Variants in GRIK1 observed in about 807,000 individuals in gnomAD.
GRIK1 encodes the protein glutamate receptor ionotropic, kainate 1.
A neutral mutation model predicts 105.7 loss-of-function variants in GRIK1; 69 were observed. The ratio of observed to expected loss-of-function variants is 0.65; its 90% CI spans 0.54 to 0.80. The LOEUF is 0.80. GRIK1 is among the 30% of genes least tolerant of loss of function. GRIK1 has a pLI of 0.00. For missense variants in GRIK1, 1,109 were observed against 1,167.3 expected, an observed-to-expected ratio of 0.95 and a Z score of 0.73; for synonymous variants, 438 against 431.3, an observed-to-expected ratio of 1.02 and a Z score of -0.19.
chr21:29,665,279 T>A (rs2063037200), intron 4 of GRIK1, among the ~76,000 whole-genome samples: 1 of 152,186 alleles, frequency 6.6e-6, no homozygotes. Flanking sequence ...AATTCTTGTA[T>A]ACATTTAATA....
At chr21:29,790,761 T>G (rs13050132) in intron 1 of GRIK1, among the ~76,000 whole-genome samples, 67,748 of 152,136 alleles carry the variant, frequency 0.45, 17,442 homozygotes, top group South Asian at 0.62. Context: ...CCTAGTAGAT[T>G]CACCTTATTC....
chr21:29,872,902 A>G (rs2069069885), intron 1 of GRIK1, among the ~76,000 whole-genome samples: 1 of 152,198 alleles, frequency 6.6e-6, no homozygotes, highest in South Asian at 2.1e-4. Context: ...GGATGCAGCC[A>G]AACCATATCA....
At chr21:29,915,685 C>T (rs1343700509) in intron 1 of GRIK1, among the ~76,000 whole-genome samples, 1 of 151,934 alleles carries the variant, frequency 6.6e-6, no homozygotes, top group Non-Finnish European at 1.5e-5. Context: ...TGAGTCTCTG[C>T]CTGAGTTTAA....
At chr21:29,848,125 T>G (rs2068184562) in intron 1 of GRIK1, among the ~76,000 whole-genome samples, 1 of 152,166 alleles carries the variant, frequency 6.6e-6, no homozygotes, top group South Asian at 2.1e-4. Flanking sequence ...AATCAGACTT[T>G]GCCTTGGCAA....
intron 8 of GRIK1, among the ~76,000 whole-genome samples, chr21:29,597,139 T>C (rs1222395126): frequency 1.3e-5 from 2 of 152,182 alleles, no homozygotes; most frequent in East Asian, 3.8e-4. Flanking sequence ...AGATTGGGCA[T>C]TTCCTCCCTC....
chr21:29,826,308 C>T lies in GRIK1; in HGVS notation c.118+113075G>A, dbSNP rs2067455213. Among the ~76,000 whole-genome samples the T allele has an allele frequency of 2.0e-5, 3 of 152,078 alleles. No homozygotes were observed. The South Asian group carries it at 6.2e-4, about 31-fold the overall frequency. On this transcript the variant is annotated intron_variant, in intron 1 of 17. Transcript: ENST00000327783. ...GATCTCAAGGTGGGTATGAGGGTTA[C>T]TTTTATGTGTCAACTGGGCTTGGCC...
chr21:29,821,513 G>GA (rs751076988), intron 1 of GRIK1, among the ~76,000 whole-genome samples: 47 of 152,126 alleles, frequency 3.1e-4, no homozygotes, highest in African/African-American at 9.4e-4. Flanking sequence ...AGAACCATGA[G>GA]AGGTCACTTT....
chr21:29,660,144 T>C (rs1393662108), intron 4 of GRIK1, among the ~76,000 whole-genome samples: 2 of 152,202 alleles, frequency 1.3e-5, no homozygotes, highest in Non-Finnish European at 2.9e-5. Context: ...TCTGGAGTTT[T>C]TGCCACAGAA....
chr21:29,801,839 T>C (rs1286947389), intron 1 of GRIK1, among the ~76,000 whole-genome samples: 1 of 152,192 alleles, frequency 6.6e-6, no homozygotes, highest in African/African-American at 2.4e-5. Flanking sequence ...ATAAGGCAAT[T>C]CTTTGACGAC....
intron 1 of GRIK1, among the ~76,000 whole-genome samples, chr21:29,757,874 C>A (rs1363709780): frequency 6.6e-6 from 1 of 152,184 alleles, no homozygotes; most frequent in Non-Finnish European, 1.5e-5. Flanking sequence ...TTTCCATATC[C>A]CTAATTGGCA....
At chr21:29,778,242 T>C (rs2066000290) in intron 1 of GRIK1, among the ~76,000 whole-genome samples, 1 of 152,186 alleles carries the variant, frequency 6.6e-6, no homozygotes, top group Admixed American at 6.5e-5. Flanking sequence ...GCTCTTAATG[T>C]CTGTAAGATG....
At chr21:29,890,756 T>C (rs1034883912) in intron 1 of GRIK1, among the ~76,000 whole-genome samples, 1 of 152,068 alleles carries the variant, frequency 6.6e-6, no homozygotes, top group Non-Finnish European at 1.5e-5. Flanking sequence ...AAGTGACACA[T>C]ACAGAGAAAC....
intron 1 of GRIK1, among the ~76,000 whole-genome samples, chr21:29,911,345 G>A (rs1409299995): frequency 6.6e-6 from 1 of 151,914 alleles, no homozygotes. Context: ...CTGATTTTAT[G>A]CTTCAAAATG....
chr21:29,634,432 A>T (rs887168741), intron 7 of GRIK1, among the ~76,000 whole-genome samples: 1 of 152,350 alleles, frequency 6.6e-6, no homozygotes, highest in Middle Eastern at 3.4e-3. Context: ...ATTTTGGAGC[A>T]GATCAATTAG....
chr21:29,709,951 G>T (rs2064005185), intron 1 of GRIK1, among the ~76,000 whole-genome samples: 1 of 151,388 alleles, frequency 6.6e-6, no homozygotes, highest in Admixed American at 6.6e-5. Flanking sequence ...AATGAGAATG[G>T]GTCATCTTAT....
At chr21:29,792,072 A>G (rs1189263567) in intron 1 of GRIK1, among the ~76,000 whole-genome samples, 1 of 152,156 alleles carries the variant, frequency 6.6e-6, no homozygotes, top group Non-Finnish European at 1.5e-5. Context: ...AGTTTAACCC[A>G]TTTGTAAATT....
intron 3 of GRIK1, among the ~76,000 whole-genome samples, chr21:29,673,548 G>A (rs2063200557): frequency 1.3e-5 from 2 of 152,162 alleles, no homozygotes; most frequent in South Asian, 4.1e-4. Flanking sequence ...CACTTACAAA[G>A]CCGATAGAAT....
intron 1 of GRIK1, among the ~76,000 whole-genome samples, chr21:29,889,243 G>A (rs1171890697): frequency 6.6e-6 from 1 of 152,058 alleles, no homozygotes; most frequent in African/African-American, 2.4e-5. Context: ...TACAATGAGA[G>A]TAATATATGT....
intron 7 of GRIK1, among the ~76,000 whole-genome samples, chr21:29,607,413 A>AT (rs1441758131): frequency 6.6e-6 from 1 of 151,540 alleles, no homozygotes; most frequent in Non-Finnish European, 1.5e-5. Flanking sequence ...AAAAAAAAAA[A>AT]GCCTTTTCAC....
Sources: gnomAD v4.1 joint callset for allele counts (sites outside exome capture counted in the v4.1 genomes callset) on GRCh38, gnomAD v4.1.1 for gene constraint, MANE v1.5 for transcripts, NCBI Gene and HGNC (gene_info 2026-07-23, HGNC 2026-07-21) for gene names.